The following CCNB3 variants were observed in gnomAD, a reference collection of about 807,000 sequenced individuals.
The protein encoded by CCNB3 is cyclin B3.
Under a neutral mutation model 68.0 loss-of-function variants are expected in CCNB3, and 12 were observed. The ratio of observed to expected loss-of-function variants is 0.18; its 90% confidence interval spans 0.11 to 0.29. CCNB3 has a LOEUF of 0.29. Among genes scored for constraint, CCNB3 ranks in the 10% least tolerant of loss-of-function variants. CCNB3 has a pLI of 1.00. For synonymous variants in CCNB3, 354 were observed against 388.9 expected, an observed-to-expected ratio of 0.91 and a Z score of 1.06; for missense variants, 904 against 993.1, an observed-to-expected ratio of 0.91 and a Z score of 1.21.
chrX:50,340,869 T>C (rs190404104), intron 8 of CCNB3, among the ~76,000 whole-genome samples: 33 of 111,208 alleles, frequency 3.0e-4, no homozygotes, highest in African/African-American at 1.0e-3. Flanking sequence ...ACTGTACAAA[T>C]ACATGGACAT....
At chrX:50,323,940 A>G (rs1287721866) in intron 8 of CCNB3, among the ~76,000 whole-genome samples, 1 of 112,487 alleles carries the variant, frequency 8.9e-6, no homozygotes, top group East Asian at 2.8e-4. Context: ...ATTCTTTGAG[A>G]AATTTTTATA....
chrX:50,227,965 A>G (rs1360582426), intron 1 of CCNB3, among the ~76,000 whole-genome samples: 69 of 87,055 alleles, frequency 7.9e-4, no homozygotes, highest in African/African-American at 2.9e-3. Context: ...ATATATATAT[A>G]AATATATAGA....
At position 50,227,866 on chromosome X, in the gene CCNB3, T is replaced by C. The variant is rs1197384228; in HGVS notation, c.-113+22916T>C. 4.9e-5 allele frequency among the ~76,000 whole-genome samples: 4 copies of C among 81,477 alleles called. No individual in the cohort carries two copies. The East Asian group carries it at 1.4e-3, about 28-fold the overall frequency. 70.8% of individuals were successfully genotyped at this position (81,477 alleles called of 115,157 possible). On this transcript the variant is annotated intron_variant, in intron 1 of 12. Coordinates refer to ENST00000376042, the MANE Select transcript of CCNB3 (RefSeq NM_033031.3). Reference sequence around the variant, plus strand: ...AGAATATATAAATATATATGGAGAATATATAAATATATAGAGAGAAAATAT... The same window carrying C: ...AGAATATATAAATATATATGGAGAACATATAAATATATAGAGAGAAAATAT...
chrX:50,286,795 A>G (rs1226935263), intron 3 of CCNB3, among the ~76,000 whole-genome samples: 2 of 110,468 alleles, frequency 1.8e-5, no homozygotes, highest in African/African-American at 3.3e-5. Context: ...GACTACAGGC[A>G]TGCGCCACCG....
chrX:50,312,767 G>T, intron 7 of CCNB3, 135 bp downstream of exon 7: 2 of 454,890 alleles, frequency 4.4e-6, no homozygotes, highest in Non-Finnish European at 7.7e-6. Flanking sequence ...CATATTGGTA[G>T]CTTACTGTGA....
At chrX:50,202,808 C>G (rs781809809), upstream of CCNB3, 1 of 110,955 alleles carries the variant, frequency 9.0e-6, no homozygotes, top group South Asian at 3.9e-4. Context: ...TAACCAGGAG[C>G]AGGTAAGGGC....
At position 50,318,571 on chromosome X, in the gene CCNB3, T is replaced by C. The variant is rs1275121871; in HGVS notation, c.3516+4623T>C. Among the ~76,000 whole-genome samples the C allele has an allele frequency of 5.3e-5, 6 of 112,310 alleles. No individual in the cohort carries two copies. In the South Asian group the frequency reaches 2.2e-3, roughly 42 times the overall value. On this transcript the variant is annotated intron_variant, in intron 8 of 12. Coordinates refer to ENST00000376042, the MANE Select transcript of CCNB3 (RefSeq NM_033031.3). ...CCTGTTTTAGCTATTCTAGTTCCTT[T>C]GCCTTTCTATGTAAATTTTAGAATC...
intron 11 of CCNB3, among the ~76,000 whole-genome samples, chrX:50,348,903 A>G (rs1454873909): frequency 8.9e-6 from 1 of 112,478 alleles, no homozygotes; most frequent in Non-Finnish European, 1.9e-5. Flanking sequence ...CTTGGATCCC[A>G]TGGAAATCCA....
At chrX:50,321,465 G>A (rs1485526253) in intron 8 of CCNB3, among the ~76,000 whole-genome samples, 1 of 110,987 alleles carries the variant, frequency 9.0e-6, no homozygotes, top group Non-Finnish European at 1.9e-5. Flanking sequence ...AGTCTATTGG[G>A]TGTCAGAATC....
chrX:50,226,705 A>G (rs1240369466), intron 1 of CCNB3, among the ~76,000 whole-genome samples: 142 of 79,739 alleles, frequency 1.8e-3, no homozygotes, highest in African/African-American at 6.3e-3. Context: ...GAATATACAT[A>G]TGAATATGTA....
intron 1 of CCNB3, among the ~76,000 whole-genome samples, chrX:50,207,764 A>G (rs1935394823): frequency 8.9e-6 from 1 of 112,056 alleles, no homozygotes; most frequent in South Asian, 3.7e-4. Context: ...TATGATTCAT[A>G]TACCATGTAA....
At chrX:50,285,913 A>G (rs888442511) in intron 3 of CCNB3, among the ~76,000 whole-genome samples, 1 of 111,797 alleles carries the variant, frequency 8.9e-6, no homozygotes, top group Non-Finnish European at 1.9e-5. Flanking sequence ...GAGGTGCCAA[A>G]TTTTTTCCTA....
intron 8 of CCNB3, among the ~76,000 whole-genome samples, chrX:50,322,245 C>T (rs1922057265): frequency 9.1e-6 from 1 of 110,037 alleles, no homozygotes; most frequent in South Asian, 4.0e-4. Context: ...TGGAACAGAA[C>T]AGAGCCCTCA....
intron 11 of CCNB3, among the ~76,000 whole-genome samples, chrX:50,350,399 A>G (rs1221259852): frequency 8.9e-6 from 1 of 111,849 alleles, no homozygotes; most frequent in Non-Finnish European, 1.9e-5. Flanking sequence ...CTGAAATTTG[A>G]CCTGAAGCAT....
intron 5 of CCNB3, among the ~76,000 whole-genome samples, chrX:50,299,017 C>T (rs1363123707): frequency 2.7e-5 from 3 of 111,301 alleles, no homozygotes; most frequent in Non-Finnish European, 5.7e-5. Flanking sequence ...TTTGATTCTT[C>T]TCTGTTTTCT....
intron 1 of CCNB3, among the ~76,000 whole-genome samples, chrX:50,228,683 A>G (rs1281017064): frequency 1.2e-5 from 1 of 80,742 alleles, no homozygotes; most frequent in African/African-American, 4.8e-5. Flanking sequence ...ATATATATAG[A>G]ATATATACAT....
rs1472016144 is a variant in CCNB3 at position 50,347,830 on chromosome X, A to G, written c.3960+55A>G. The G allele has an allele frequency of 2.4e-5, 27 of 1,116,430 alleles. No homozygotes were observed. The Admixed American group carries it at 6.5e-4, about 27-fold the overall frequency. The allele number at this position is 1,116,430 out of a possible 1,213,427, so 92.0% of individuals were successfully genotyped here. ...GTAGAGATTTAAAAAGCAGAAGGTCAGCTCATGGGGAAGGTGTAAATTAAG... is the reference window on the plus strand; with the variant it reads ...GTAGAGATTTAAAAAGCAGAAGGTCGGCTCATGGGGAAGGTGTAAATTAAG... On this transcript the variant is annotated intron_variant, in intron 11 of 12. Coordinates refer to ENST00000376042, the MANE Select transcript of CCNB3 (RefSeq NM_033031.3).
intron 8 of CCNB3, among the ~76,000 whole-genome samples, chrX:50,326,877 A>G (rs1922319524): frequency 8.9e-6 from 1 of 111,857 alleles, no homozygotes; most frequent in Non-Finnish European, 1.9e-5. Context: ...GTATTTGTAG[A>G]AGGTGATCTT....
intron 5 of CCNB3, among the ~76,000 whole-genome samples, chrX:50,307,497 C>T (rs1311584000): frequency 1.8e-5 from 2 of 111,191 alleles, no homozygotes; most frequent in African/African-American, 6.5e-5. Context: ...CAGGAGGGAC[C>T]TGGAATCTAT....
Sources: gnomAD v4.1 joint callset for allele counts (sites outside exome capture counted in the v4.1 genomes callset) on GRCh38, gnomAD v4.1.1 for gene constraint, MANE v1.5 for transcripts, NCBI Gene and HGNC (gene_info 2026-07-23, HGNC 2026-07-21) for gene names.